CCDC171: variants seen among roughly 807,000 people sequenced by gnomAD.
CCDC171 encodes the protein coiled-coil domain-containing protein 171.
CCDC171 carries 177 observed loss-of-function variants against 168.2 expected under a neutral mutation model. The ratio of observed to expected loss-of-function variants is 1.05; its 90% CI spans 0.93 to 1.19. The LOEUF is 1.19. CCDC171 is among the 50% of genes most tolerant of loss of function. The pLI is 0.00. For synonymous variants in CCDC171, 687 were observed against 540.8 expected (o/e 1.27, Z -3.75); for missense variants, 1,991 against 1,539.0 (o/e 1.29, Z -4.91).
In CCDC171 at chr9:15,724,823, A is replaced by G. The variant is rs149783274; in HGVS notation, c.1539A>G (p.Leu513=). The change falls in exon 14 of 26, where the codon TTA becomes TTG. Residue 513 remains leucine, a synonymous_variant. Coordinates refer to ENST00000380701, the MANE Select transcript of CCDC171 (RefSeq NM_173550.4). The stretch of plus-strand genomic sequence containing the variant: ...ATGTTAATAAAGAGTTAAGTCATTT[A>G]CACACTAAATGTGCAGACCGAGAGG... ...LADVNKELSH[L]HTKCADREAL... is the part of the protein sequence containing the mutation. The G allele has an allele frequency of 8.8e-4, 1,417 of 1,613,774 alleles. 2 individuals are homozygous for G. Among genetic ancestry groups the G allele is most frequent in the Non-Finnish European group, 1.0e-3 (1,203 of 1,179,708 alleles).
intron 7 of CCDC171, among the ~76,000 whole-genome samples, chr9:15,652,152 A>C (rs2047575855): frequency 6.6e-6 from 1 of 152,008 alleles, no homozygotes; most frequent in African/African-American, 2.4e-5. Context: ...TTCTTCTAAG[A>C]GTTTTATGGT....
Position 15,846,715 on chromosome 9 carries a change from CA to C in CCDC171, c.3284del (p.Lys1095ArgfsTer4). On this transcript the variant is annotated frameshift_variant, in exon 22 of 26. Transcript: ENST00000380701. LOFTEE classifies it high-confidence loss of function. ...LGEAVKSLSE[A>X]KMELRRKDQS... ...GTCTGCTTGCAGAGTCTCTCCGAGG[CA>C]AAGATGGAGCTGAGAAGAAAAGATC... 1.9e-6 allele frequency: 3 copies of C among 1,612,884 alleles called. No homozygotes were observed. The highest frequency in any genetic ancestry group is 2.5e-6 in the Non-Finnish European group (3 of 1,179,364).
chr9:15,963,589 A>G (rs1830543256), intron 25 of CCDC171, among the ~76,000 whole-genome samples: 1 of 152,192 alleles, frequency 6.6e-6, no homozygotes, highest in African/African-American at 2.4e-5. Flanking sequence ...GGAGATCATC[A>G]GACATCTAAG....
intron 21 of CCDC171, among the ~76,000 whole-genome samples, chr9:15,840,547 T>A (rs2130609884): frequency 6.6e-6 from 1 of 152,288 alleles, no homozygotes; most frequent in South Asian, 2.1e-4. Context: ...ATATAAGAGC[T>A]GATTTTGTTA....
At chr9:15,941,675 G>T (rs1827754103) in intron 25 of CCDC171, among the ~76,000 whole-genome samples, 1 of 151,922 alleles carries the variant, frequency 6.6e-6, no homozygotes, top group African/African-American at 2.4e-5. Context: ...TGAAAATCAA[G>T]TGCTACAATA....
intron 3 of CCDC171, among the ~76,000 whole-genome samples, chr9:16,011,800 C>T (rs988763540): frequency 7.9e-5 from 12 of 152,158 alleles, no homozygotes; most frequent in South Asian, 2.1e-4. Context: ...CAGGAAATGA[C>T]AATAGAATGG....
intron 7 of CCDC171, among the ~76,000 whole-genome samples, chr9:15,632,295 C>G (rs1019783110): frequency 1.5e-4 from 22 of 151,672 alleles, no homozygotes; most frequent in African/African-American, 4.4e-4. Flanking sequence ...CCAAAATCTC[C>G]TTAAACTGAT....
chr9:16,003,327 C>G (rs1375124458), intron 3 of CCDC171, among the ~76,000 whole-genome samples: 1 of 152,154 alleles, frequency 6.6e-6, no homozygotes, highest in East Asian at 1.9e-4. Flanking sequence ...GATTTTATGA[C>G]TAAGATCAGA....
chr9:15,884,718 A>G (rs1819157991), intron 24 of CCDC171, among the ~76,000 whole-genome samples: 1 of 152,160 alleles, frequency 6.6e-6, no homozygotes, highest in African/African-American at 2.4e-5. Context: ...CATCTGTAAA[A>G]GGTGACAGTG....
At chr9:15,731,787 T>C (rs1384701833) in intron 16 of CCDC171, among the ~76,000 whole-genome samples, 1 of 152,104 alleles carries the variant, frequency 6.6e-6, no homozygotes, top group Non-Finnish European at 1.5e-5. Context: ...TAAAAAATGC[T>C]TGTGTCATTT....
chr9:15,636,749 C>CA (rs35778640), intron 7 of CCDC171, among the ~76,000 whole-genome samples: 245 of 64,558 alleles, frequency 3.8e-3, no homozygotes, highest in Middle Eastern at 9.1e-3. Flanking sequence ...GACCCTGCCT[C>CA]AAAAAAAAAA....
chr9:15,881,302 A>C (rs988074020), intron 24 of CCDC171, among the ~76,000 whole-genome samples: 15 of 152,164 alleles, frequency 9.9e-5, no homozygotes, highest in African/African-American at 3.1e-4. Context: ...TGCGTAGAAG[A>C]ACTTATTATT....
intron 24 of CCDC171, among the ~76,000 whole-genome samples, chr9:15,905,741 T>C (rs2071320539): frequency 6.6e-6 from 1 of 152,118 alleles, no homozygotes; most frequent in Non-Finnish European, 1.5e-5. Flanking sequence ...GGAGCTGGTT[T>C]TTTGAAAAGA....
At chr9:15,908,651 TAAAA>T (rs1242207894) in intron 24 of CCDC171, among the ~76,000 whole-genome samples, 2 of 150,802 alleles carry the variant, frequency 1.3e-5, no homozygotes, top group African/African-American at 4.9e-5. Flanking sequence ...AGTTAAAGTA[TAAAA>T]AAAAAGAGAA....
intron 4 of CCDC171, among the ~76,000 whole-genome samples, chr9:16,022,092 T>C (rs1424462955): frequency 6.6e-6 from 1 of 152,120 alleles, no homozygotes; most frequent in African/African-American, 2.4e-5. Flanking sequence ...AGTAGGCATA[T>C]GAGTGGTGGA....
Position 15,744,597 on chromosome 9 carries a change from A to G in CCDC171, c.2374A>G (p.Lys792Glu), listed in dbSNP as rs2055135070. The change falls in exon 17 of 26, where the codon AAA (lysine) becomes GAA (glutamate). Residue 792 changes from lysine to glutamate, a missense_variant. Transcript: ENST00000380701. ...KKQEEAKMKK[K>E]TFKGLIRIFR... ...GCAAGAGGAAGCCAAGATGAAAAAG[A>G]AAACATTCAAAGGATTGATACGTAT... 3 of 1,614,222 alleles carry G rather than the reference A, an allele frequency of 1.9e-6. No homozygotes were observed. The highest frequency in any genetic ancestry group is 1.7e-6 in the Non-Finnish European group (2 of 1,180,030).
intron 21 of CCDC171, among the ~76,000 whole-genome samples, chr9:15,831,940 G>C (rs987678853): frequency 6.6e-6 from 1 of 151,932 alleles, no homozygotes; most frequent in Non-Finnish European, 1.5e-5. Flanking sequence ...ATAGTTAGAG[G>C]GTGTTTGAGT....
the CCDC171 span, among the ~76,000 whole-genome samples, chr9:16,086,549 G>T: frequency 6.6e-6 from 1 of 151,842 alleles, no homozygotes; most frequent in Non-Finnish European, 1.5e-5. Context: ...CTTGTGATCT[G>T]CCCGCCTCAG....
chr9:15,611,330 C>G (rs1320279206), intron 6 of CCDC171, among the ~76,000 whole-genome samples: 1 of 152,184 alleles, frequency 6.6e-6, no homozygotes, highest in Non-Finnish European at 1.5e-5. Context: ...CAGGAACAGC[C>G]TAATACAAGA....
Sources: gnomAD v4.1 joint callset for allele counts (sites outside exome capture counted in the v4.1 genomes callset) on GRCh38, gnomAD v4.1.1 for gene constraint, MANE v1.5 for transcripts, NCBI Gene and HGNC (gene_info 2026-07-23, HGNC 2026-07-21) for gene names.